The following HSPA4 variants were observed in gnomAD, a reference collection of about 807,000 sequenced individuals.
HSPA4 encodes heat shock 70 kDa protein 4.
A neutral mutation model predicts 106.2 loss-of-function variants in HSPA4; 25 were observed. The observed-to-expected ratio is 0.24, with a 90% CI of 0.17 to 0.33. The LOEUF is 0.33. Ranked by LOEUF, HSPA4 falls within the 10% of genes least tolerant of loss-of-function variation. The pLI is 1.00. For synonymous variants in HSPA4, 332 were observed against 333.6 expected (o/e 1.00, Z 0.05); for missense variants, 841 against 996.0 (o/e 0.84, Z 2.10).
At chr5:133,073,898 T>G in intron 5 of HSPA4, 95 bp from the exon 6 acceptor site, 1 of 698,186 alleles carries the variant, frequency 1.4e-6, no homozygotes, top group South Asian at 2.5e-5. Flanking sequence ...ACACATGTAG[T>G]TGCATTCGTT....
chr5:133,103,849 T>G lies in HSPA4; in HGVS notation c.2158-16T>G. The G allele has an allele frequency of 6.2e-7, 1 of 1,608,098 alleles. No homozygotes were observed. The highest frequency in any genetic ancestry group is 8.5e-7 in the Non-Finnish European group (1 of 1,177,242). On this transcript the variant is annotated splice_polypyrimidine_tract_variant and intron_variant, in intron 17 of 18. Coordinates refer to ENST00000304858, the MANE Select transcript of HSPA4 (RefSeq NM_002154.4). Reference sequence around the variant, plus strand: ...ATCACACTTTTAGCACTTGTTTGACTGTCTCCTGGTTGCAGGAGGACCAGT... The same window carrying G: ...ATCACACTTTTAGCACTTGTTTGACGGTCTCCTGGTTGCAGGAGGACCAGT...
At chr5:133,053,467 G>C (rs1385217353) in intron 1 of HSPA4, among the ~76,000 whole-genome samples, 4 of 151,440 alleles carry the variant, frequency 2.6e-5, no homozygotes, top group Middle Eastern at 3.4e-3. Flanking sequence ...TCCCACCTCA[G>C]CCTCCTGAGT....
At chr5:133,099,139 AT>A (rs373321730) in intron 15 of HSPA4, among the ~76,000 whole-genome samples, 3,013 of 151,080 alleles carry the variant, frequency 0.02, 97 homozygotes, top group African/African-American at 0.066. Context: ...ATCTTATCTT[AT>A]TTTTTTTGAA....
intron 3 of HSPA4, among the ~76,000 whole-genome samples, chr5:133,068,049 T>G (rs1765330939): frequency 6.6e-6 from 1 of 151,874 alleles, no homozygotes; most frequent in Admixed American, 6.6e-5. Flanking sequence ...CGTGCCACCA[T>G]GCCTGGGTAG....
intron 13 of HSPA4, among the ~76,000 whole-genome samples, chr5:133,095,317 A>C (rs1765697430): frequency 6.6e-6 from 1 of 152,206 alleles, no homozygotes; most frequent in Admixed American, 6.5e-5. Flanking sequence ...AACAAACAAA[A>C]AAAACTAGAA....
chr5:133,098,247 C>CT (rs1240716321), intron 15 of HSPA4, among the ~76,000 whole-genome samples: 17 of 152,164 alleles, frequency 1.1e-4, no homozygotes, highest in African/African-American at 4.1e-4. Context: ...TATTTTGCTA[C>CT]TTTTTATGAC....
At chr5:133,084,716 C>T (rs111959635) in intron 7 of HSPA4, among the ~76,000 whole-genome samples, 2,414 of 152,136 alleles carry the variant, frequency 0.016, 30 homozygotes, top group Middle Eastern at 0.038. Context: ...GTGATCCACC[C>T]GCCTCAGCCT....
chr5:133,062,836 GTGA>G (rs1460139328), intron 1 of HSPA4, among the ~76,000 whole-genome samples: 5 of 152,174 alleles, frequency 3.3e-5, no homozygotes, highest in Admixed American at 1.3e-4. Flanking sequence ...GCCATTGGTT[GTGA>G]AGGACCACTG....
intron 7 of HSPA4, among the ~76,000 whole-genome samples, chr5:133,085,830 A>G (rs1423648446): frequency 1.3e-5 from 2 of 152,170 alleles, no homozygotes; most frequent in African/African-American, 2.4e-5. Context: ...ATTATTCTGT[A>G]TGTTACTGAA....
chr5:133,086,904 T>G (rs1765585296), intron 8 of HSPA4, 46 bp downstream of exon 8: 2 of 1,351,774 alleles, frequency 1.5e-6, no homozygotes, highest in African/African-American at 2.9e-5. Context: ...TCAGACTGTT[T>G]GGAAATTGTT....
chr5:133,101,936 T>C, intron 17 of HSPA4, 58 bp downstream of exon 17: 2 of 1,368,022 alleles, frequency 1.5e-6, no homozygotes, highest in South Asian at 1.4e-5. Context: ...TTTTTTTTTT[T>C]TTTTTTTTGA....
chr5:133,052,468 G>C, intron 1 of HSPA4, 111 bp downstream of exon 1: 2 of 723,626 alleles, frequency 2.8e-6, no homozygotes, highest in East Asian at 5.9e-5. Flanking sequence ...CCTCCGTTCC[G>C]AGCCGAGGTC....
intron 7 of HSPA4, among the ~76,000 whole-genome samples, chr5:133,083,143 AC>A (rs1433320741): frequency 7.1e-6 from 1 of 140,090 alleles, no homozygotes; most frequent in Non-Finnish European, 1.6e-5. Context: ...TCAAAAAAAT[AC>A]AAAAAAAAAA....
chr5:133,069,919 CT>C (rs1216491047), intron 3 of HSPA4, among the ~76,000 whole-genome samples: 2 of 152,278 alleles, frequency 1.3e-5, no homozygotes, highest in East Asian at 3.9e-4. Flanking sequence ...AATCCCAGCA[CT>C]TTGGGAGGCC....
intron 7 of HSPA4, among the ~76,000 whole-genome samples, chr5:133,085,857 C>A (rs4705879): frequency 1.6e-4 from 25 of 152,052 alleles, no homozygotes; most frequent in African/African-American, 5.8e-4. Flanking sequence ...AATACTTACA[C>A]ATTGTTAAAA....
In HSPA4 at chr5:133,089,145, G is replaced by C. The variant is rs1765614350; in HGVS notation, c.1228G>C (p.Ala410Pro). 6.3e-7 allele frequency: 1 copy of C among 1,580,060 alleles called. No individual in the cohort carries two copies. The highest frequency in any genetic ancestry group is 8.7e-7 in the Non-Finnish European group (1 of 1,155,430). The change falls in exon 10 of 19, where the codon GCT (alanine) becomes CCT (proline). Residue 410 changes from alanine to proline, a missense_variant. Transcript: ENST00000304858. ...AATATCTCTGAGATGGAATTCTCCAGCTGAAGAAGGGTCAAGGTATCATGT... is the reference window on the plus strand; with the variant it reads ...AATATCTCTGAGATGGAATTCTCCACCTGAAGAAGGGTCAAGGTATCATGT... ...YPISLRWNSP[A>P]EEGSSDCEVF...
intron 12 of HSPA4, among the ~76,000 whole-genome samples, chr5:133,092,310 T>G (rs1444073862): frequency 1.3e-5 from 2 of 152,206 alleles, no homozygotes; most frequent in Non-Finnish European, 2.9e-5. Context: ...AGGAACTATT[T>G]GAAAAAGTTG....
At chr5:133,077,863 C>T (rs908830042) in intron 7 of HSPA4, among the ~76,000 whole-genome samples, 1 of 152,026 alleles carries the variant, frequency 6.6e-6, no homozygotes, top group Non-Finnish European at 1.5e-5. Context: ...AGATGGCTTT[C>T]GTTTTTGTTA....
At chr5:133,059,685 A>G (rs1765213997) in intron 1 of HSPA4, among the ~76,000 whole-genome samples, 1 of 152,202 alleles carries the variant, frequency 6.6e-6, no homozygotes, top group Admixed American at 6.6e-5. Flanking sequence ...ATTTTGAATC[A>G]TAGACTCTAA....
Sources: gnomAD v4.1 joint callset for allele counts (sites outside exome capture counted in the v4.1 genomes callset) on GRCh38, gnomAD v4.1.1 for gene constraint, MANE v1.5 for transcripts, NCBI Gene and HGNC (gene_info 2026-07-23, HGNC 2026-07-21) for gene names.